Variants in EPB41L4A observed in about 807,000 individuals in gnomAD.
The protein encoded by EPB41L4A is erythrocyte membrane protein band 4.1 like 4A.
Under a neutral mutation model 108.6 loss-of-function variants are expected in EPB41L4A, and 100 were observed. The observed-to-expected ratio is 0.92, with a 90% CI of 0.78 to 1.09. EPB41L4A has a LOEUF of 1.09. Ranked by LOEUF, EPB41L4A falls within the 50% of genes least tolerant of loss-of-function variation. EPB41L4A has a pLI of 0.00. For synonymous variants in EPB41L4A, 319 were observed against 289.0 expected (o/e 1.10, Z -1.05); for missense variants, 1,030 against 842.7 (o/e 1.22, Z -2.75).
chr5:112,347,116 G>C (rs1215657861), intron 1 of EPB41L4A, among the ~76,000 whole-genome samples: 1 of 152,226 alleles, frequency 6.6e-6, no homozygotes, highest in Non-Finnish European at 1.5e-5. Context: ...CAAAGCATCT[G>C]AAAGCTATAA....
chr5:112,319,056 C>G (rs894985105), intron 1 of EPB41L4A, among the ~76,000 whole-genome samples: 4 of 152,166 alleles, frequency 2.6e-5, no homozygotes, highest in Non-Finnish European at 1.5e-5. Flanking sequence ...GTACCCACAT[C>G]TTTGGTTTCT....
At chr5:112,231,374 G>A (rs1478526485) in intron 12 of EPB41L4A, among the ~76,000 whole-genome samples, 3 of 152,224 alleles carry the variant, frequency 2.0e-5, no homozygotes, top group Non-Finnish European at 4.4e-5. Flanking sequence ...GTAGAATGGA[G>A]TTGAATATAA....
intron 1 of EPB41L4A, among the ~76,000 whole-genome samples, chr5:112,406,828 C>T (rs1762101593): frequency 6.6e-6 from 1 of 152,080 alleles, no homozygotes; most frequent in Non-Finnish European, 1.5e-5. Context: ...AGAGTCTAGG[C>T]CCATGTGCTA....
In EPB41L4A at chr5:112,368,008, C is replaced by G. The variant is rs891010474; in HGVS notation, c.99+50933G>C. On this transcript the variant is annotated intron_variant, in intron 1 of 22. Transcript: ENST00000261486. ...AATATTTTTATAAAAAGAAGGTGATCAACAATTGTACTGACCTTATCAAAA... is the reference window on the plus strand; with the variant it reads ...AATATTTTTATAAAAAGAAGGTGATGAACAATTGTACTGACCTTATCAAAA... 4.6e-5 allele frequency among the ~76,000 whole-genome samples: 7 copies of G among 152,266 alleles called. No individual in the cohort carries two copies. In the East Asian group the frequency reaches 7.7e-4, roughly 17 times the overall value.
At chr5:112,181,639 T>C (rs963562572) in intron 18 of EPB41L4A, among the ~76,000 whole-genome samples, 1 of 152,118 alleles carries the variant, frequency 6.6e-6, no homozygotes. Flanking sequence ...TTGCAGTATA[T>C]ACAAAAATTT....
At chr5:112,167,018 G>A (rs1032908404) in intron 22 of EPB41L4A, among the ~76,000 whole-genome samples, 7 of 149,826 alleles carry the variant, frequency 4.7e-5, no homozygotes, top group African/African-American at 1.2e-4. Flanking sequence ...CTTGTATCCC[G>A]CAAAGTGAAA....
At chr5:112,239,813 C>A in intron 10 of EPB41L4A, 76 bp from the exon 11 acceptor site, 1 of 920,146 alleles carries the variant, frequency 1.1e-6, no homozygotes, top group Non-Finnish European at 1.7e-6. Flanking sequence ...TCTCCTAACA[C>A]AAACTTTATA....
intron 3 of EPB41L4A, 63 bp from the exon 4 acceptor site, chr5:112,275,467 A>G (rs1330563324): frequency 3.1e-6 from 4 of 1,305,558 alleles, no homozygotes; most frequent in East Asian, 2.6e-5. Flanking sequence ...TTACAGTATA[A>G]TATTATACAG....
Position 112,144,801 on chromosome 5 carries a change from G to A in EPB41L4A, n.1113-921C>T, listed in dbSNP as rs1056342537. ...GTTGCTACTGCTGTTATAGTTGAAT[G>A]TGTGACATAAATGTCACATGTATGA... is the stretch of plus-strand genomic sequence containing the variant. On this transcript the variant is annotated intron_variant and non_coding_transcript_variant, in intron 13 of 13. Coordinates refer to the EPB41L4A transcript ENST00000507810. Among the ~76,000 whole-genome samples the A allele has an allele frequency of 3.0e-4, 46 of 152,132 alleles. 1 individual carries two copies. The highest frequency in any genetic ancestry group is 9.4e-4 in the African/African-American group (39 of 41,422).
chr5:112,239,694 T>C lies in EPB41L4A; in HGVS notation c.931A>G (p.Lys311Glu). ...TGCTTATAACGTATGGATCCAAACT[T>C]GCTGAGTTTTCTTGACAGTGAATTG... is the stretch of plus-strand genomic sequence containing the variant. ...ESNSLSRKLS[K>E]FGSIRYKHRY... Residue 311 changes from lysine (K) to glutamate (E), a missense_variant, in exon 11 of 23, where the codon AAG (lysine) becomes GAG (glutamate). By Grantham distance (56) the Lys-to-Glu change is moderately conservative (BLOSUM62 1). Transcript: ENST00000261486. The C allele has an allele frequency of 6.2e-7, 1 of 1,609,720 alleles. No individual in the cohort carries two copies. The highest frequency in any genetic ancestry group is 8.5e-7 in the Non-Finnish European group (1 of 1,178,208).
chr5:112,262,797 C>G (rs1203455214), intron 6 of EPB41L4A, among the ~76,000 whole-genome samples: 1 of 152,206 alleles, frequency 6.6e-6, no homozygotes, highest in Non-Finnish European at 1.5e-5. Flanking sequence ...CAAATCCATT[C>G]TGGCTCATTA....
chr5:112,385,999 TTTAA>T (rs1760500908), intron 1 of EPB41L4A, among the ~76,000 whole-genome samples: 1 of 152,226 alleles, frequency 6.6e-6, no homozygotes, highest in Non-Finnish European at 1.5e-5. Context: ...TTTAATATGG[TTTAA>T]TTAGTCCATT....
intron 17 of EPB41L4A, among the ~76,000 whole-genome samples, chr5:112,184,757 G>T (rs1156748923): frequency 6.6e-6 from 1 of 152,164 alleles, no homozygotes; most frequent in Admixed American, 6.5e-5. Context: ...GAATGAAAAT[G>T]AGGAAAAGAG....
At chr5:112,392,073 A>C (rs1026433159) in intron 1 of EPB41L4A, among the ~76,000 whole-genome samples, 1 of 152,192 alleles carries the variant, frequency 6.6e-6, no homozygotes, top group East Asian at 1.9e-4. Context: ...TCCTGAAGGA[A>C]GCACTAAACA....
intron 7 of EPB41L4A, among the ~76,000 whole-genome samples, chr5:112,261,344 T>A (rs1295062770): frequency 1.3e-5 from 2 of 152,230 alleles, no homozygotes; most frequent in Non-Finnish European, 2.9e-5. Context: ...TGAGTGTTAT[T>A]TGCACTAGAT....
chr5:112,386,693 TA>T (rs781660153), intron 1 of EPB41L4A, among the ~76,000 whole-genome samples: 2 of 152,218 alleles, frequency 1.3e-5, no homozygotes, highest in Non-Finnish European at 2.9e-5. Context: ...ATATTTAGGA[TA>T]ATAAATACAG....
At chr5:112,208,730 T>C (rs1325726217) in intron 13 of EPB41L4A, among the ~76,000 whole-genome samples, 1 of 152,098 alleles carries the variant, frequency 6.6e-6, no homozygotes, top group Admixed American at 6.5e-5. Flanking sequence ...AAAATAAAAG[T>C]TGAAAAAATA....
At chr5:112,232,413 G>A (rs1254497558) in intron 12 of EPB41L4A, among the ~76,000 whole-genome samples, 4 of 152,158 alleles carry the variant, frequency 2.6e-5, no homozygotes, top group South Asian at 2.1e-4. Flanking sequence ...CCTGAAGGGA[G>A]GCAAAATAAT....
intron 1 of EPB41L4A, among the ~76,000 whole-genome samples, chr5:112,414,322 T>C (rs928262419): frequency 2.0e-5 from 3 of 152,184 alleles, no homozygotes; most frequent in African/African-American, 7.2e-5. Flanking sequence ...GCATTCAATA[T>C]TGAAACTGTG....
Sources: allele counts gnomAD v4.1 joint callset (sites outside exome capture counted in the v4.1 genomes callset), GRCh38; gene constraint gnomAD v4.1.1; transcripts MANE v1.5; gene names NCBI Gene and HGNC (gene_info 2026-07-23, HGNC 2026-07-21).